Variants in COLEC10 observed in about 807,000 individuals in gnomAD.
COLEC10 encodes the protein collectin-10.
In COLEC10, 22 loss-of-function variants were observed where a neutral mutation model predicts 28.4. The ratio of observed to expected loss-of-function variants is 0.78; its 90% CI spans 0.55 to 1.11. COLEC10 has a LOEUF of 1.11. Among genes scored for constraint, COLEC10 ranks in the 50% least tolerant of loss-of-function variants. The pLI is 0.00. For missense variants in COLEC10, 361 were observed against 344.1 expected, an observed-to-expected ratio of 1.05 and a Z score of -0.39; for synonymous variants, 125 against 116.1, an observed-to-expected ratio of 1.08 and a Z score of -0.49.
At chr8:118,958,649 A>G in the COLEC10 span, among the ~76,000 whole-genome samples, 4 of 152,228 alleles carry the variant, frequency 2.6e-5, no homozygotes, top group African/African-American at 7.2e-5. Flanking sequence ...TTCAAGGCCT[A>G]TGGCTCCAGT....
At chr8:119,031,896 G>A (rs1259515723) in intron 2 of COLEC10, among the ~76,000 whole-genome samples, 1 of 89,552 alleles carries the variant, frequency 1.1e-5, no homozygotes, top group South Asian at 3.9e-4. Flanking sequence ...GGAAAATAGT[G>A]CCTTAATAAA....
chr8:119,058,273 G>A (rs774484498), intron 2 of COLEC10, among the ~76,000 whole-genome samples: 2 of 151,924 alleles, frequency 1.3e-5, no homozygotes, highest in Non-Finnish European at 2.9e-5. Context: ...TTTTATGGAG[G>A]TATAAATTAT....
At chr8:119,072,967 C>T (rs1815155604) in intron 1 of COLEC10, among the ~76,000 whole-genome samples, 1 of 152,076 alleles carries the variant, frequency 6.6e-6, no homozygotes, top group Admixed American at 6.6e-5. Flanking sequence ...CAAGATACTT[C>T]TCAGCCCCCA....
At chr8:119,089,880 C>T in intron 2 of COLEC10, 129 bp downstream of exon 2, 6 of 687,222 alleles carry the variant, frequency 8.7e-6, no homozygotes, top group Non-Finnish European at 1.5e-5. Flanking sequence ...ATATATTTCA[C>T]ACATGAATTA....
intron 1 of COLEC10, among the ~76,000 whole-genome samples, chr8:119,000,375 A>T (rs1185830139): frequency 1.3e-5 from 2 of 152,160 alleles, no homozygotes; most frequent in African/African-American, 4.8e-5. Flanking sequence ...TGAGACTTGT[A>T]GTCATGACTT....
intron 1 of COLEC10, among the ~76,000 whole-genome samples, chr8:119,007,267 A>G (rs1364528270): frequency 3.3e-5 from 5 of 152,130 alleles, no homozygotes; most frequent in African/African-American, 9.7e-5. Context: ...GAATTCCTCT[A>G]TGTTCTACTG....
chr8:119,073,857 T>G (rs1307528157), intron 1 of COLEC10, among the ~76,000 whole-genome samples: 1 of 152,002 alleles, frequency 6.6e-6, no homozygotes, highest in Non-Finnish European at 1.5e-5. Flanking sequence ...TAATATGCAT[T>G]TATATGTATG....
intron 1 of COLEC10, among the ~76,000 whole-genome samples, chr8:119,078,452 G>A (rs984413848): frequency 6.6e-6 from 1 of 152,134 alleles, no homozygotes; most frequent in African/African-American, 2.4e-5. Flanking sequence ...ATAAATGAAA[G>A]ACAAGAGTTG....
intron 2 of COLEC10, among the ~76,000 whole-genome samples, chr8:119,019,210 G>C (rs909841896): frequency 1.8e-4 from 28 of 152,116 alleles, no homozygotes; most frequent in African/African-American, 6.8e-4. Flanking sequence ...TCCAGTTTTA[G>C]CTTGAGTTGA....
chr8:119,036,235 T>G (rs1028599264), intron 2 of COLEC10, among the ~76,000 whole-genome samples: 1 of 152,242 alleles, frequency 6.6e-6, no homozygotes, highest in Non-Finnish European at 1.5e-5. Flanking sequence ...ATGTACAGAC[T>G]TAATTATATG....
At chr8:119,003,592 G>T (rs17758353) in intron 1 of COLEC10, among the ~76,000 whole-genome samples, 74 of 152,136 alleles carry the variant, frequency 4.9e-4, no homozygotes, top group Admixed American at 1.1e-3. Flanking sequence ...TTGGCATGGG[G>T]CTCAGAGGAT....
the COLEC10 span, among the ~76,000 whole-genome samples, chr8:118,967,987 C>T: frequency 1.1e-4 from 17 of 151,854 alleles, no homozygotes; most frequent in Admixed American, 9.9e-4. Context: ...GAATGCATTT[C>T]GTGCAAGAAG....
At chr8:119,057,259 G>T (rs957283278) in intron 2 of COLEC10, among the ~76,000 whole-genome samples, 5 of 152,088 alleles carry the variant, frequency 3.3e-5, no homozygotes, top group African/African-American at 9.7e-5. Context: ...TCCTTGTGAA[G>T]AAAGTACTTG....
chr8:119,010,124 C>A (rs1188603416), intron 2 of COLEC10, among the ~76,000 whole-genome samples: 1 of 150,754 alleles, frequency 6.6e-6, no homozygotes, highest in Non-Finnish European at 1.5e-5. Flanking sequence ...CAGTATCATG[C>A]AGAATAGTTC....
the COLEC10 span, among the ~76,000 whole-genome samples, chr8:118,987,096 C>T: frequency 4.6e-5 from 7 of 152,074 alleles, no homozygotes; most frequent in African/African-American, 9.7e-5. Context: ...TACTTTGTCT[C>T]GTCTCTGAGA....
chr8:119,029,738 T>C (rs1394762753), intron 2 of COLEC10, among the ~76,000 whole-genome samples: 1 of 152,046 alleles, frequency 6.6e-6, no homozygotes, highest in Non-Finnish European at 1.5e-5. Context: ...AAAACACAAA[T>C]AGTTCTACAT....
intron 1 of COLEC10, among the ~76,000 whole-genome samples, chr8:118,996,122 AG>A (rs1271909448): frequency 3.3e-5 from 5 of 152,188 alleles, no homozygotes; most frequent in Non-Finnish European, 4.4e-5. Context: ...CACATAAAAA[AG>A]GATCATGCTG....
At chr8:118,955,435 C>T in the COLEC10 span, among the ~76,000 whole-genome samples, 35 of 152,278 alleles carry the variant, frequency 2.3e-4, no homozygotes, top group African/African-American at 4.6e-4. Flanking sequence ...TTTGCCTGAA[C>T]GTGTTGGACT....
chr8:118,995,786 G>C (rs1586987646), intron 1 of COLEC10, among the ~76,000 whole-genome samples: 1 of 152,084 alleles, frequency 6.6e-6, no homozygotes, highest in African/African-American at 2.4e-5. Context: ...GAATATTTAA[G>C]AATCAAATGG....
Sources: allele counts gnomAD v4.1 joint callset (sites outside exome capture counted in the v4.1 genomes callset), GRCh38; gene constraint gnomAD v4.1.1; transcripts MANE v1.5; gene names NCBI Gene and HGNC (gene_info 2026-07-23, HGNC 2026-07-21).